The following SH3GLB2 variants were observed in gnomAD, a reference collection of about 807,000 sequenced individuals.
The protein encoded by SH3GLB2 is SH3 domain containing GRB2 like, endophilin B2, also known as endophilin-B2.
SH3GLB2 carries 24 observed loss-of-function variants against 48.0 expected under a neutral mutation model. That is an observed-to-expected ratio of 0.50 (90% confidence interval 0.36 to 0.70). The LOEUF is 0.70. SH3GLB2 is among the 30% of genes least tolerant of loss of function. The pLI is 0.00. For synonymous variants in SH3GLB2, 227 were observed against 207.6 expected, an observed-to-expected ratio of 1.09 and a Z score of -0.80; for missense variants, 425 against 516.0, an observed-to-expected ratio of 0.82 and a Z score of 1.71.
chr9:129,009,502 G>C, intron 9 of SH3GLB2, 156 bp from the exon 10 acceptor site: 1 of 1,548,520 alleles, frequency 6.5e-7, no homozygotes, highest in Non-Finnish European at 8.7e-7. Context: ...AGCAAGGGAA[G>C]GGTGAGATGG....
At chr9:129,026,164 A>T (rs1018785878) in intron 1 of SH3GLB2, among the ~76,000 whole-genome samples, 6 of 152,056 alleles carry the variant, frequency 3.9e-5, no homozygotes, top group African/African-American at 1.4e-4. Context: ...TACAAAAGGG[A>T]TCCTGCCCTC....
chr9:129,014,566 A>G lies in SH3GLB2; in HGVS notation c.469-63T>C. 1.3e-6 allele frequency: 2 copies of G among 1,518,760 alleles called. No homozygotes were observed. The highest frequency in any genetic ancestry group is 1.8e-6 in the Non-Finnish European group (2 of 1,117,346). The allele number at this position is 1,518,760 out of a possible 1,614,324, so 94.1% of individuals were successfully genotyped here. On this transcript the variant is annotated intron_variant, in intron 4 of 10. Coordinates refer to ENST00000372564, the MANE Select transcript of SH3GLB2 (RefSeq NM_020145.4). The surrounding 1 kb of genome is among the most constrained non-coding windows in gnomAD (Gnocchi z 4.1). ...TGCCCTGGGAGACCCTGAGCCATGC[A>G]TGGCAAGATTGGTGCCGGGGACGAT...
Position 129,020,570 on chromosome 9 carries a change from C to CA in SH3GLB2, c.334+520dup, listed in dbSNP as rs1191047749. Among the ~76,000 whole-genome samples the CA allele has an allele frequency of 6.2e-3, 593 of 96,020 alleles. 1 individual carries two copies. The highest frequency in any genetic ancestry group is 0.018 in the African/African-American group (433 of 24,598). 63.0% of individuals were successfully genotyped at this position (96,020 alleles called of 152,430 possible). On this transcript the variant is annotated intron_variant, in intron 3 of 10. Transcript: ENST00000372564. ...TGGGTGATGGAGTGAAACTGTGTCT[C>CA]AAAAAAAAAAAAATAGGCCGGGCGC...
In SH3GLB2 at chr9:129,007,687, A is replaced by C. The variant is rs1842845445; in HGVS notation, c.*997T>G. 6.6e-6 allele frequency: 1 copy of C among 152,280 alleles called. No individual in the cohort carries two copies. The highest frequency in any genetic ancestry group is 2.1e-4 in the South Asian group (1 of 4,836). 9.4% of individuals were successfully genotyped at this position (152,280 alleles called of 1,614,324 possible). On this transcript the variant is annotated 3_prime_UTR_variant, in exon 11 of 11. Coordinates refer to ENST00000372564, the MANE Select transcript of SH3GLB2 (RefSeq NM_020145.4). ...ATGAGAACCCATGGCACGGGGGCACATGCTGGGTGAAACGCCCGACCTGCA... is the reference window on the plus strand; with the variant it reads ...ATGAGAACCCATGGCACGGGGGCACCTGCTGGGTGAAACGCCCGACCTGCA...
chr9:129,017,129 T>C (rs1236143743), intron 3 of SH3GLB2, among the ~76,000 whole-genome samples: 3 of 151,926 alleles, frequency 2.0e-5, no homozygotes, highest in Non-Finnish European at 2.9e-5. Flanking sequence ...TTTGTATTTT[T>C]AGTAGAGACA....
At position 129,014,624 on chromosome 9, in the gene SH3GLB2, T is replaced by C. The variant is rs1257138446; in HGVS notation, c.469-121A>G. 23 of 1,484,126 alleles carry C rather than the reference T, an allele frequency of 1.5e-5. No homozygotes were observed. Among genetic ancestry groups the C allele is most frequent in the Admixed American group, 1.1e-4 (6 of 54,810 alleles). 91.9% of individuals were successfully genotyped at this position (1,484,126 alleles called of 1,614,324 possible). A position where few individuals can be genotyped will look rare whatever the true frequency, so the allele number is the denominator to read the frequency against. ...AGATAGGGAAACTGAGGCCCAGAGATAGGAGGTCACTCAGTCCAAAGGAGC... is the reference window on the plus strand; with the variant it reads ...AGATAGGGAAACTGAGGCCCAGAGACAGGAGGTCACTCAGTCCAAAGGAGC... On this transcript the variant is annotated intron_variant, in intron 4 of 10. Transcript: ENST00000372564. The surrounding 1 kb of genome is among the most constrained non-coding windows in gnomAD (Gnocchi z 4.1).
intron 3 of SH3GLB2, chr9:129,015,605 G>A (rs572695626): frequency 6.5e-6 from 1 of 153,508 alleles, no homozygotes; most frequent in Admixed American, 6.5e-5. Context: ...AGAAAAATGA[G>A]CAGCGCCTCA....
intron 5 of SH3GLB2, chr9:129,013,926 A>G (rs1371800236): frequency 6.9e-6 from 3 of 434,404 alleles, no homozygotes; most frequent in South Asian, 1.6e-5. Flanking sequence ...CCCAGGCCCT[A>G]TCCAATCTCA....
At chr9:129,012,886 C>A (rs776740055) in intron 5 of SH3GLB2, 1 of 1,286,656 alleles carries the variant, frequency 7.8e-7, no homozygotes, top group Non-Finnish European at 1.1e-6. Context: ...AGTAGAGGCT[C>A]TGGCGGGGAG....
chr9:129,015,843 G>A, intron 3 of SH3GLB2: 1 of 355,470 alleles, frequency 2.8e-6, no homozygotes, highest in Non-Finnish European at 5.7e-6. Context: ...ACTCCAGTCT[G>A]GGTGACACAG....
At chr9:129,027,909 G>C (rs1250189262) in intron 1 of SH3GLB2, among the ~76,000 whole-genome samples, 183 bp downstream of exon 1, 2 of 152,230 alleles carry the variant, frequency 1.3e-5, no homozygotes, top group Admixed American at 1.3e-4. Flanking sequence ...GGCCCGGCTC[G>C]GGCCGCACGG....
intron 5 of SH3GLB2, chr9:129,013,758 G>A: frequency 4.2e-6 from 1 of 240,514 alleles, no homozygotes; most frequent in Non-Finnish European, 8.5e-6. Flanking sequence ...AGGCCTGGCA[G>A]CCCTGAGCAA....
rs1156609099 is a variant in SH3GLB2, at chr9:129,014,371, AGCCTGGGCCAGGAGGCCAGCG to A, written c.561+19_561+39del. 6.5e-7 allele frequency: 1 copy of A among 1,533,270 alleles called. No individual in the cohort carries two copies. The highest frequency in any genetic ancestry group is 2.5e-5 in the East Asian group (1 of 40,790). The allele number at this position is 1,533,270 out of a possible 1,614,324, so 95.0% of individuals were successfully genotyped here. ...GCCACCACCCCTTGGCTCCAGCCAG[AGCCTGGGCCAGGAGGCCAGCG>A]GGGAGCGGGGACACCTACCGTGGCT... On this transcript the variant is annotated intron_variant, in intron 5 of 10. Transcript: ENST00000372564. The surrounding 1 kb of genome is among the most constrained non-coding windows in gnomAD (Gnocchi z 4.1).
intron 3 of SH3GLB2, among the ~76,000 whole-genome samples, chr9:129,019,930 G>A (rs1310125551): frequency 6.6e-6 from 1 of 151,636 alleles, no homozygotes; most frequent in Non-Finnish European, 1.5e-5. Context: ...CCAGCCGGGT[G>A]CGGTGGCTCA....
intron 1 of SH3GLB2, among the ~76,000 whole-genome samples, chr9:129,022,628 G>C (rs912238928): frequency 1.3e-5 from 2 of 152,214 alleles, no homozygotes; most frequent in African/African-American, 4.8e-5. Flanking sequence ...GGCTGGGCCA[G>C]AGTGTGGGAA....
At chr9:129,009,710 C>T in intron 9 of SH3GLB2, 61 bp downstream of exon 9, 3 of 1,498,772 alleles carry the variant, frequency 2.0e-6, no homozygotes, top group South Asian at 1.2e-5. Flanking sequence ...GCTCATGCTG[C>T]CCACGGACAG....
rs1843319044 is a variant in SH3GLB2 at position 129,014,630 on chromosome 9, G to GTCAC, written c.469-131_469-128dup. On this transcript the variant is annotated intron_variant, in intron 4 of 10. Coordinates refer to ENST00000372564, the MANE Select transcript of SH3GLB2 (RefSeq NM_020145.4). This position sits in a 1 kb window ranked among gnomAD's most constrained non-coding sequence, Gnocchi z 4.1. ...GGAAACTGAGGCCCAGAGATAGGAG[G>GTCAC]TCACTCAGTCCAAAGGAGCCCTCTC... 2 of 1,487,642 alleles carry GTCAC rather than the reference G, an allele frequency of 1.3e-6. No individual in the cohort carries two copies. Among genetic ancestry groups the GTCAC allele is most frequent in the East Asian group, 4.6e-5 (2 of 43,748 alleles). The allele number at this position is 1,487,642 out of a possible 1,614,324, so 92.2% of individuals were successfully genotyped here.
chr9:129,009,084 C>T lies in SH3GLB2; in HGVS notation c.1080+22G>A, dbSNP rs200867528. The T allele has an allele frequency of 1.1e-5, 18 of 1,604,634 alleles. No homozygotes were observed. The South Asian group carries it at 1.2e-4, about 11-fold the overall frequency. Reference sequence around the variant, plus strand: ...CTCCTCACCCAGCCCATTCCTGCCCCACCTTGCGGCACCGGGCCCACCTCA... The same window carrying T: ...CTCCTCACCCAGCCCATTCCTGCCCTACCTTGCGGCACCGGGCCCACCTCA... On this transcript the variant is annotated intron_variant, in intron 10 of 10. Transcript: ENST00000372564.
intron 3 of SH3GLB2, among the ~76,000 whole-genome samples, chr9:129,017,905 A>C (rs972901899): frequency 1.0e-3 from 150 of 143,040 alleles, no homozygotes; most frequent in African/African-American, 3.3e-3. Flanking sequence ...CTCAAACAAA[A>C]AAAAAAAAAA....
Sources: gnomAD v4.1 joint callset for allele counts (sites outside exome capture counted in the v4.1 genomes callset) on GRCh38, gnomAD v4.1.1 for gene constraint, Gnocchi (gnomAD v3.1) non-coding constraint, MANE v1.5 for transcripts, NCBI Gene and HGNC (gene_info 2026-07-23, HGNC 2026-07-21) for gene names.